Variants in KHDRBS3 observed in about 807,000 individuals in gnomAD.
KHDRBS3 encodes the protein KH RNA binding domain containing, signal transduction associated 3, also known as KH domain-containing, RNA-binding, signal transduction-associated protein 3.
A neutral mutation model predicts 45.6 loss-of-function variants in KHDRBS3; 23 were observed. The observed-to-expected ratio is 0.50, with a 90% confidence interval of 0.36 to 0.72. The LOEUF (loss-of-function observed/expected upper bound fraction) is 0.72, where lower values mean the gene tolerates loss of function less well. Among genes scored for constraint, KHDRBS3 ranks in the 30% least tolerant of loss-of-function variants. The pLI is 0.00. For synonymous variants in KHDRBS3, 162 were observed against 156.5 expected, an observed-to-expected ratio of 1.04 and a Z score of -0.26; for missense variants, 352 against 424.8, an observed-to-expected ratio of 0.83 and a Z score of 1.51.
At chr8:135,493,254 G>GT (rs909101289) in intron 1 of KHDRBS3, among the ~76,000 whole-genome samples, 176 of 150,720 alleles carry the variant, frequency 1.2e-3, no homozygotes, top group African/African-American at 2.6e-3. Context: ...TTTCTGGATA[G>GT]TTTTTTTTTC....
chr8:135,481,531 C>G (rs760768114), intron 1 of KHDRBS3, among the ~76,000 whole-genome samples: 1 of 151,924 alleles, frequency 6.6e-6, no homozygotes, highest in Non-Finnish European at 1.5e-5. Context: ...TGTGTATGCA[C>G]GGTGCTTGAA....
intron 1 of KHDRBS3, among the ~76,000 whole-genome samples, chr8:135,473,360 C>G (rs907962604): frequency 5.9e-5 from 9 of 152,178 alleles, no homozygotes; most frequent in Non-Finnish European, 1.2e-4. Context: ...GCTGAAACTG[C>G]TGCTTTCGTT....
chr8:135,470,811 C>T (rs1161715206), intron 1 of KHDRBS3, among the ~76,000 whole-genome samples: 2 of 152,114 alleles, frequency 1.3e-5, no homozygotes, highest in African/African-American at 4.8e-5. Context: ...GTCTTGAACT[C>T]CTGAGCTCAG....
downstream of KHDRBS3, among the ~76,000 whole-genome samples, chr8:135,652,544 C>T (rs1831451248): frequency 6.6e-6 from 1 of 152,234 alleles, no homozygotes; most frequent in Non-Finnish European, 1.5e-5. Context: ...TAGAGCTTTT[C>T]TATCAGTGCC....
chr8:135,500,551 C>T (rs962628012), intron 1 of KHDRBS3, among the ~76,000 whole-genome samples: 1 of 152,122 alleles, frequency 6.6e-6, no homozygotes. Context: ...AACTATGGGC[C>T]TTGGCTGGGC....
chr8:135,608,201 G>GC (rs1157840028), intron 7 of KHDRBS3, among the ~76,000 whole-genome samples: 1 of 152,116 alleles, frequency 6.6e-6, no homozygotes, highest in Non-Finnish European at 1.5e-5. Context: ...TAAGTAATTT[G>GC]CCAGAAATTG....
intron 6 of KHDRBS3, among the ~76,000 whole-genome samples, chr8:135,594,896 G>A (rs921147550): frequency 6.6e-6 from 1 of 152,204 alleles, no homozygotes; most frequent in African/African-American, 2.4e-5. Context: ...CCTCAGCAGA[G>A]ATGCACACTT....
intron 5 of KHDRBS3, among the ~76,000 whole-genome samples, chr8:135,566,621 A>C (rs780918153): frequency 1.3e-5 from 2 of 152,136 alleles, no homozygotes; most frequent in Non-Finnish European, 2.9e-5. Context: ...TGCGGAGGCC[A>C]AGGTGGGAAG....
intron 1 of KHDRBS3, among the ~76,000 whole-genome samples, chr8:135,492,443 A>C (rs181273248): frequency 6.6e-6 from 1 of 151,796 alleles, no homozygotes; most frequent in Non-Finnish European, 1.5e-5. Context: ...AGGAATATTG[A>C]GATATATGTT....
chr8:135,589,743 C>T (rs961074639), intron 6 of KHDRBS3, among the ~76,000 whole-genome samples: 1 of 152,136 alleles, frequency 6.6e-6, no homozygotes, highest in Non-Finnish European at 1.5e-5. Flanking sequence ...TTTGTTTTAT[C>T]GTAGTATACC....
At chr8:135,551,193 A>G (rs1016720890) in intron 4 of KHDRBS3, among the ~76,000 whole-genome samples, 2 of 152,164 alleles carry the variant, frequency 1.3e-5, no homozygotes, top group Non-Finnish European at 2.9e-5. Flanking sequence ...ATCTGTGAAT[A>G]AAGACAACTT....
chr8:135,518,586 G>T (rs888462258), intron 1 of KHDRBS3, among the ~76,000 whole-genome samples: 2 of 152,104 alleles, frequency 1.3e-5, no homozygotes, highest in East Asian at 3.9e-4. Context: ...TTGTTGAATC[G>T]TCTAACTATG....
intron 1 of KHDRBS3, among the ~76,000 whole-genome samples, chr8:135,504,556 G>A (rs1482366146): frequency 6.6e-6 from 1 of 152,160 alleles, no homozygotes; most frequent in Non-Finnish European, 1.5e-5. Flanking sequence ...AACAGAGTTT[G>A]TAAACTTAAT....
At chr8:135,494,273 A>ATTTTTTTTTT (rs386414089) in intron 1 of KHDRBS3, among the ~76,000 whole-genome samples, 5 of 78,622 alleles carry the variant, frequency 6.4e-5, no homozygotes, top group Non-Finnish European at 8.8e-5. Flanking sequence ...TGTTTCTCTT[A>ATTTTTTTTTT]TTTTTTTTTT....
intron 7 of KHDRBS3, among the ~76,000 whole-genome samples, chr8:135,641,735 C>G (rs1013590570): frequency 3.3e-5 from 5 of 152,186 alleles, no homozygotes; most frequent in African/African-American, 1.2e-4. Context: ...AGGTAAAGGC[C>G]CAGGCCTTGA....
chr8:135,577,785 T>C (rs1828015423), intron 5 of KHDRBS3, among the ~76,000 whole-genome samples: 1 of 152,222 alleles, frequency 6.6e-6, no homozygotes, highest in South Asian at 2.1e-4. Context: ...GATTGTATAA[T>C]AAGGCTATGT....
chr8:135,475,399 C>G (rs185189831), intron 1 of KHDRBS3, among the ~76,000 whole-genome samples: 19 of 80,200 alleles, frequency 2.4e-4, no homozygotes, highest in African/African-American at 9.1e-4. Context: ...GCAACTTCCA[C>G]CCCCTGGGTT....
chr8:135,467,535 G>A (rs548550711), intron 1 of KHDRBS3, among the ~76,000 whole-genome samples: 24 of 152,338 alleles, frequency 1.6e-4, no homozygotes, highest in African/African-American at 5.3e-4. Context: ...TTTGCCTTTC[G>A]TGATAGGCAT....
At chr8:135,474,913 G>C (rs1822195976) in intron 1 of KHDRBS3, among the ~76,000 whole-genome samples, 1 of 152,206 alleles carries the variant, frequency 6.6e-6, no homozygotes, top group South Asian at 2.1e-4. Context: ...TCAGGGGAGA[G>C]TCTGTGCCTG....
Sources: gnomAD v4.1 joint callset for allele counts (sites outside exome capture counted in the v4.1 genomes callset) on GRCh38, gnomAD v4.1.1 for gene constraint, MANE v1.5 for transcripts, NCBI Gene and HGNC (gene_info 2026-07-23, HGNC 2026-07-21) for gene names.